Variants in ST8SIA4 observed in about 807,000 individuals in gnomAD.
ST8SIA4 encodes the protein ST8 alpha-N-acetyl-neuraminide alpha-2,8-sialyltransferase 4.
A neutral mutation model predicts 33.9 loss-of-function variants in ST8SIA4; 15 were observed. The observed-to-expected ratio is 0.44, with a 90% CI of 0.30 to 0.68. The LOEUF (loss-of-function observed/expected upper bound fraction) is 0.68. Ranked by LOEUF, ST8SIA4 falls within the 30% of genes least tolerant of loss-of-function variation. The probability of loss-of-function intolerance (pLI) is 0.10; values close to 1 mark genes in which losing one functional copy is unlikely to be tolerated. For missense variants in ST8SIA4, 321 were observed against 428.0 expected (o/e 0.75, Z 2.21); for synonymous variants, 171 against 151.2 (o/e 1.13, Z -0.96).
At chr5:100,893,264 C>T (rs1485637019) in intron 2 of ST8SIA4, among the ~76,000 whole-genome samples, 4 of 152,078 alleles carry the variant, frequency 2.6e-5, no homozygotes, top group Admixed American at 6.6e-5. Flanking sequence ...AGGTATCAAA[C>T]TGATTAATAC....
At chr5:100,873,729 T>C (rs1187686945) in intron 3 of ST8SIA4, among the ~76,000 whole-genome samples, 1 of 152,106 alleles carries the variant, frequency 6.6e-6, no homozygotes, top group Non-Finnish European at 1.5e-5. Context: ...ACCACCACTT[T>C]TCCAACAAAG....
chr5:100,854,785 G>A, intron 4 of ST8SIA4, among the ~76,000 whole-genome samples: 1 of 152,104 alleles, frequency 6.6e-6, no homozygotes, highest in East Asian at 1.9e-4. Flanking sequence ...TTAAGTCTGG[G>A]CTTGGAAACC....
rs573426172 is a variant in ST8SIA4, at chr5:100,861,432, A to C, written c.504-5036T>G. Among the ~76,000 whole-genome samples, 8 of 152,204 alleles carry C rather than the reference A, an allele frequency of 5.3e-5. No individual in the cohort carries two copies. The East Asian group carries it at 1.2e-3, about 22-fold the overall frequency. The stretch of plus-strand genomic sequence containing the variant: ...CTCCTTCTAGCAAACAAAGATCTGC[A>C]TACCAAGAAATATGTTAGACTGTGT... On this transcript the variant is annotated intron_variant, in intron 3 of 4. Transcript: ENST00000231461.
chr5:100,903,212 GTTT>G lies in ST8SIA4; in HGVS notation c.-260_-258del, dbSNP rs1752965935. ...TCCGCGCCGCCTCCCTGGGGCTCAG[GTTT>G]CTTTTCAGATGAGACACCTTGTGCA... is the stretch of plus-strand genomic sequence containing the variant. On this transcript the variant is annotated 5_prime_UTR_variant, in exon 1 of 5. Transcript: ENST00000231461. The G allele has an allele frequency of 2.0e-6, 1 of 499,076 alleles. No homozygotes were observed. Among genetic ancestry groups the G allele is most frequent in the Non-Finnish European group, 3.6e-6 (1 of 281,170 alleles). 30.9% of individuals were successfully genotyped at this position (499,076 alleles called of 1,614,324 possible). A position where few individuals can be genotyped will look rare whatever the true frequency, so the allele number is the denominator to read the frequency against.
intron 4 of ST8SIA4, among the ~76,000 whole-genome samples, chr5:100,855,739 C>T (rs1209292659): frequency 6.6e-6 from 1 of 152,170 alleles, no homozygotes; most frequent in East Asian, 1.9e-4. Context: ...AACATTTATG[C>T]TTACACAATA....
chr5:100,828,179 G>C (rs1456936317), intron 4 of ST8SIA4, among the ~76,000 whole-genome samples: 1 of 152,078 alleles, frequency 6.6e-6, no homozygotes, highest in Admixed American at 6.5e-5. Context: ...GGGTTCTGGG[G>C]GAGTTTTCAC....
At chr5:100,845,373 T>G (rs1751547099) in intron 4 of ST8SIA4, among the ~76,000 whole-genome samples, 1 of 151,594 alleles carries the variant, frequency 6.6e-6, no homozygotes, top group Non-Finnish European at 1.5e-5. Flanking sequence ...TCCCAACTAT[T>G]TAATATTTAA....
At chr5:100,861,375 A>G (rs1382655202) in intron 3 of ST8SIA4, among the ~76,000 whole-genome samples, 1 of 152,198 alleles carries the variant, frequency 6.6e-6, no homozygotes, top group Non-Finnish European at 1.5e-5. Flanking sequence ...CATAATTTCT[A>G]GAGAAATTCA....
chr5:100,852,773 C>G (rs956062883), intron 4 of ST8SIA4, among the ~76,000 whole-genome samples: 3 of 152,054 alleles, frequency 2.0e-5, no homozygotes, highest in Non-Finnish European at 2.9e-5. Context: ...TTAGAAAAAT[C>G]TAAAATTAAA....
In ST8SIA4 at chr5:100,887,775, GTT is replaced by G. The variant is rs1160723803; in HGVS notation, c.246-1177_246-1176del. 2.6e-5 allele frequency among the ~76,000 whole-genome samples: 4 copies of G among 151,978 alleles called. No homozygotes were observed. The East Asian group carries it at 7.7e-4, about 29-fold the overall frequency. ...TTGTTTAAAATGTGTCTGTATGTTCGTTTATGTTAGTTTCTCCTTTTAGTAAG... is the reference window on the plus strand; with the variant it reads ...TTGTTTAAAATGTGTCTGTATGTTCGTATGTTAGTTTCTCCTTTTAGTAAG... On this transcript the variant is annotated intron_variant, in intron 2 of 4. Coordinates refer to ENST00000231461, the MANE Select transcript of ST8SIA4 (RefSeq NM_005668.6).
intron 4 of ST8SIA4, among the ~76,000 whole-genome samples, chr5:100,832,698 T>G (rs1372057433): frequency 6.6e-6 from 1 of 152,088 alleles, no homozygotes. Context: ...CAAATTAACC[T>G]CTAAAATGTT....
chr5:100,844,695 C>T (rs1262673114), intron 4 of ST8SIA4, among the ~76,000 whole-genome samples: 1 of 152,016 alleles, frequency 6.6e-6, no homozygotes, highest in Non-Finnish European at 1.5e-5. Flanking sequence ...AGAAACAAAA[C>T]TTCCAGCTTG....
At chr5:100,872,451 G>T (rs1452845106) in intron 3 of ST8SIA4, among the ~76,000 whole-genome samples, 1 of 151,962 alleles carries the variant, frequency 6.6e-6, no homozygotes, top group Admixed American at 6.6e-5. Flanking sequence ...TGTCTGATAG[G>T]ATTTAGCTGT....
At chr5:100,823,033 A>AG (rs1751063936) in intron 4 of ST8SIA4, among the ~76,000 whole-genome samples, 1 of 151,980 alleles carries the variant, frequency 6.6e-6, no homozygotes, top group Non-Finnish European at 1.5e-5. Context: ...CGGGGGGCTG[A>AG]GGGGGGAGAA....
At chr5:100,842,899 C>A (rs1331497061) in intron 4 of ST8SIA4, among the ~76,000 whole-genome samples, 1 of 151,808 alleles carries the variant, frequency 6.6e-6, no homozygotes, top group Non-Finnish European at 1.5e-5. Flanking sequence ...TCACATGATT[C>A]TTTTAGCTAT....
intron 1 of ST8SIA4, among the ~76,000 whole-genome samples, chr5:100,897,290 G>A (rs1752800004): frequency 6.6e-6 from 1 of 152,026 alleles, no homozygotes; most frequent in Admixed American, 6.6e-5. Context: ...GATGATGCTG[G>A]CAGATACCTG....
At chr5:100,881,501 C>A (rs1488622609) in intron 3 of ST8SIA4, among the ~76,000 whole-genome samples, 1 of 151,858 alleles carries the variant, frequency 6.6e-6, no homozygotes, top group Non-Finnish European at 1.5e-5. Flanking sequence ...GTTATCTAGG[C>A]AAGGAATTTT....
intron 4 of ST8SIA4, among the ~76,000 whole-genome samples, chr5:100,849,824 C>CA (rs1561393770): frequency 6.6e-6 from 1 of 151,820 alleles, no homozygotes; most frequent in Non-Finnish European, 1.5e-5. Flanking sequence ...CAAAAATAAA[C>CA]AAAAAACAAA....
rs1752959327 is a variant in ST8SIA4 at position 100,903,086 on chromosome 5, G to C, written c.-131C>G. 3.0e-6 allele frequency: 2 copies of C among 667,888 alleles called. No individual in the cohort carries two copies. Among genetic ancestry groups the C allele is most frequent in the Non-Finnish European group, 5.2e-6 (2 of 384,398 alleles). 41.4% of individuals were successfully genotyped at this position (667,888 alleles called of 1,614,324 possible). A position where few individuals can be genotyped will look rare whatever the true frequency, so the allele number is the denominator to read the frequency against. ...GAGGAGAGCTTGGAGCCGGGATCCC[G>C]GGATCAGATCACTGGGGTCTTCTGT... On this transcript the variant is annotated 5_prime_UTR_variant, in exon 1 of 5. Coordinates refer to ENST00000231461, the MANE Select transcript of ST8SIA4 (RefSeq NM_005668.6).
Sources: gnomAD v4.1 joint callset for allele counts (sites outside exome capture counted in the v4.1 genomes callset) on GRCh38, gnomAD v4.1.1 for gene constraint, MANE v1.5 for transcripts, NCBI Gene and HGNC (gene_info 2026-07-23, HGNC 2026-07-21) for gene names.